The following METTL15 variants were observed in gnomAD, a reference collection of about 807,000 sequenced individuals.
The protein encoded by METTL15 is 12S rRNA N(4)-cytidine methyltransferase METTL15.
METTL15 carries 34 observed loss-of-function variants against 38.3 expected under a neutral mutation model. The ratio of observed to expected loss-of-function variants is 0.89; its 90% CI spans 0.68 to 1.18. The LOEUF is 1.18. Ranked by LOEUF, METTL15 falls within the 50% of genes most tolerant of loss-of-function variation. The pLI is 0.00. For missense variants in METTL15, 438 were observed against 498.4 expected, an observed-to-expected ratio of 0.88 and a Z score of 1.15; for synonymous variants, 162 against 170.9, an observed-to-expected ratio of 0.95 and a Z score of 0.41.
At chr11:28,134,588 G>T in intron 3 of METTL15, 2 of 398,498 alleles carry the variant, frequency 5.0e-6, no homozygotes, top group Non-Finnish European at 8.8e-6. Context: ...TCTCTTAACT[G>T]CTTCCTGCTG....
intron 4 of METTL15, among the ~76,000 whole-genome samples, chr11:28,236,515 T>C (rs1853983768): frequency 6.6e-6 from 1 of 152,234 alleles, no homozygotes; most frequent in African/African-American, 2.4e-5. Context: ...GAGATTCAAC[T>C]TCTTCCTGGT....
intron 6 of METTL15, among the ~76,000 whole-genome samples, chr11:28,324,127 A>G (rs1301928789): frequency 1.3e-5 from 2 of 152,188 alleles, no homozygotes; most frequent in Non-Finnish European, 2.9e-5. Context: ...AAATTTTTCT[A>G]TTTTAAAGTA....
intron 6 of METTL15, among the ~76,000 whole-genome samples, chr11:28,515,236 C>T (rs1270552758): frequency 2.6e-5 from 4 of 152,256 alleles, no homozygotes; most frequent in Non-Finnish European, 5.9e-5. Flanking sequence ...CTGCTTTAAG[C>T]TTATCTTGGT....
chr11:28,165,887 C>A (rs1850641539), intron 3 of METTL15, among the ~76,000 whole-genome samples: 1 of 152,036 alleles, frequency 6.6e-6, no homozygotes, highest in African/African-American at 2.4e-5. Flanking sequence ...CCAGTTTTTC[C>A]AACACCATTT....
intron 4 of METTL15, among the ~76,000 whole-genome samples, chr11:28,265,483 GT>G (rs1855377048): frequency 6.6e-6 from 1 of 151,948 alleles, no homozygotes; most frequent in Non-Finnish European, 1.5e-5. Flanking sequence ...TACATGGAGT[GT>G]AGATACACGT....
At chr11:28,328,181 T>A in intron 6 of METTL15, 2 of 1,606,844 alleles carry the variant, frequency 1.2e-6, no homozygotes, top group South Asian at 2.2e-5. Flanking sequence ...AAGCTGGCCT[T>A]CCTTTTCAGT....
At chr11:28,317,651 G>A (rs1210335088) in intron 6 of METTL15, among the ~76,000 whole-genome samples, 1 of 152,020 alleles carries the variant, frequency 6.6e-6, no homozygotes, top group African/African-American at 2.4e-5. Flanking sequence ...TTTCTCTCTG[G>A]GACTTCAAAT....
At chr11:28,180,722 A>T (rs1488110866) in intron 3 of METTL15, among the ~76,000 whole-genome samples, 1 of 151,784 alleles carries the variant, frequency 6.6e-6, no homozygotes, top group Non-Finnish European at 1.5e-5. Flanking sequence ...GGTGATTTTG[A>T]TAAGAAATAC....
At chr11:28,328,541 A>G (rs1370159756) in intron 6 of METTL15, among the ~76,000 whole-genome samples, 2 of 152,084 alleles carry the variant, frequency 1.3e-5, no homozygotes, top group African/African-American at 4.8e-5. Context: ...TTATTTTCTG[A>G]GATCTTCATT....
intron 4 of METTL15, among the ~76,000 whole-genome samples, chr11:28,274,259 A>G (rs1423106222): frequency 6.6e-6 from 1 of 152,082 alleles, no homozygotes; most frequent in East Asian, 1.9e-4. Flanking sequence ...TTAAGTTTTA[A>G]TGAACTTTTT....
At chr11:28,360,710 CG>C (rs1227645712) in intron 4 of METTL15, among the ~76,000 whole-genome samples, 3 of 151,360 alleles carry the variant, frequency 2.0e-5, no homozygotes, top group Non-Finnish European at 4.4e-5. Flanking sequence ...GACAATGTAC[CG>C]GTTAGTTACA....
At chr11:28,433,740 A>C (rs1258588743) in intron 6 of METTL15, among the ~76,000 whole-genome samples, 3 of 152,120 alleles carry the variant, frequency 2.0e-5, no homozygotes, top group African/African-American at 7.2e-5. Flanking sequence ...TAAGTAGATT[A>C]ATGACTAGGT....
chr11:28,247,193 T>C (rs1382973088), intron 4 of METTL15, among the ~76,000 whole-genome samples: 3 of 152,124 alleles, frequency 2.0e-5, no homozygotes, highest in African/African-American at 7.2e-5. Context: ...AAATACTTAG[T>C]ATAAATAAAG....
rs1856455067 is a variant in METTL15, at chr11:28,290,196, T to G, written c.408-10T>G. ...GAAGTGTTTTCTCTATCTCCTGGGTTTACTCACAGTAAACAAATCCGAGCT... is the reference window on the plus strand; with the variant it reads ...GAAGTGTTTTCTCTATCTCCTGGGTGTACTCACAGTAAACAAATCCGAGCT... On this transcript the variant is annotated splice_polypyrimidine_tract_variant and intron_variant, in intron 4 of 6. Coordinates refer to ENST00000407364, the MANE Select transcript of METTL15 (RefSeq NM_001113528.2). 6.2e-7 allele frequency: 1 copy of G among 1,601,312 alleles called. No individual in the cohort carries two copies.
At chr11:28,127,055 C>G (rs762242880) in intron 3 of METTL15, among the ~76,000 whole-genome samples, 24 of 152,102 alleles carry the variant, frequency 1.6e-4, no homozygotes, top group Admixed American at 6.6e-4. Context: ...AAGCAAGCCA[C>G]TGAGTGAGTG....
intron 6 of METTL15, among the ~76,000 whole-genome samples, chr11:28,470,312 C>T (rs578165331): frequency 6.6e-6 from 1 of 152,212 alleles, no homozygotes; most frequent in South Asian, 2.1e-4. Context: ...TAGTTGGGCA[C>T]AAGTCTATCA....
At chr11:28,257,500 C>A (rs1855019892) in intron 4 of METTL15, among the ~76,000 whole-genome samples, 1 of 152,168 alleles carries the variant, frequency 6.6e-6, no homozygotes, top group South Asian at 2.1e-4. Context: ...TCTCTCTAGA[C>A]CTTCTCTTTA....
At chr11:28,140,478 G>A (rs1849661132) in intron 3 of METTL15, among the ~76,000 whole-genome samples, 1 of 152,114 alleles carries the variant, frequency 6.6e-6, no homozygotes, top group Non-Finnish European at 1.5e-5. Flanking sequence ...TTCAGAAAAA[G>A]TCTGAGGAGG....
chr11:28,233,121 T>A (rs897975965), intron 4 of METTL15, among the ~76,000 whole-genome samples: 10 of 152,002 alleles, frequency 6.6e-5, no homozygotes, highest in Non-Finnish European at 1.2e-4. Context: ...TAGTTTTATT[T>A]TGAGTGGCTT....
Sources: allele counts gnomAD v4.1 joint callset (sites outside exome capture counted in the v4.1 genomes callset), GRCh38; gene constraint gnomAD v4.1.1; transcripts MANE v1.5; gene names NCBI Gene and HGNC (gene_info 2026-07-23, HGNC 2026-07-21).